Variants in ELAPOR2 observed in about 807,000 individuals in gnomAD.
The protein encoded by ELAPOR2 is endosome-lysosome associated apoptosis and autophagy regulator family member 2.
ELAPOR2 carries 89 observed loss-of-function variants against 120.7 expected under a neutral mutation model. The ratio of observed to expected loss-of-function variants is 0.74; its 90% CI spans 0.62 to 0.88. The LOEUF (loss-of-function observed/expected upper bound fraction) is 0.88, where lower values mean the gene tolerates loss of function less well. Ranked by LOEUF, ELAPOR2 falls within the 40% of genes least tolerant of loss-of-function variation. The pLI, the probability that ELAPOR2 is intolerant of heterozygous loss-of-function variation, is 0.00. For synonymous variants in ELAPOR2, 444 were observed against 444.9 expected (o/e 1.00, Z 0.03); for missense variants, 1,134 against 1,251.6 (o/e 0.91, Z 1.42).
intron 10 of ELAPOR2, among the ~76,000 whole-genome samples, chr7:86,921,936 GACC>G (rs1228652736): frequency 6.6e-6 from 1 of 151,954 alleles, no homozygotes; most frequent in Non-Finnish European, 1.5e-5. Context: ...ATGTTCTAAG[GACC>G]ACATTTTATA....
chr7:86,958,989 T>C (rs1584396232), intron 2 of ELAPOR2, among the ~76,000 whole-genome samples: 4 of 152,334 alleles, frequency 2.6e-5, no homozygotes, highest in East Asian at 1.9e-4. Context: ...TTTATTTGTG[T>C]CTGCTTTCTT....
chr7:86,949,199 G>T (rs1437422856), intron 2 of ELAPOR2, among the ~76,000 whole-genome samples: 1 of 152,204 alleles, frequency 6.6e-6, no homozygotes, highest in Non-Finnish European at 1.5e-5. Flanking sequence ...TGCAAAGAAT[G>T]TGGCATGCTG....
intron 2 of ELAPOR2, among the ~76,000 whole-genome samples, chr7:86,951,402 G>T (rs898311377): frequency 6.6e-6 from 1 of 152,182 alleles, no homozygotes; most frequent in Non-Finnish European, 1.5e-5. Flanking sequence ...ATATAAAAAA[G>T]AGAAGAATTG....
At chr7:87,003,614 C>T (rs1325044909) in intron 1 of ELAPOR2, among the ~76,000 whole-genome samples, 1 of 152,164 alleles carries the variant, frequency 6.6e-6, no homozygotes, top group Admixed American at 6.5e-5. Flanking sequence ...GCCTGTGGAA[C>T]TGTGAGTCAA....
chr7:86,954,672 A>G (rs1791398882), intron 2 of ELAPOR2, among the ~76,000 whole-genome samples: 1 of 152,146 alleles, frequency 6.6e-6, no homozygotes, highest in Non-Finnish European at 1.5e-5. Context: ...CTCAAAATAA[A>G]TCAAATTTAT....
intron 2 of ELAPOR2, among the ~76,000 whole-genome samples, chr7:86,954,374 T>C (rs1212849738): frequency 1.3e-5 from 2 of 152,204 alleles, no homozygotes; most frequent in African/African-American, 4.8e-5. Context: ...ATAGTTTTGC[T>C]TTTTCTTCCT....
At chr7:86,980,278 T>C (rs908656913) in intron 1 of ELAPOR2, among the ~76,000 whole-genome samples, 1 of 152,220 alleles carries the variant, frequency 6.6e-6, no homozygotes, top group Admixed American at 6.5e-5. Context: ...CATCAAACAG[T>C]ATGTGTGAGG....
chr7:86,996,163 C>T (rs1793116452), intron 1 of ELAPOR2, among the ~76,000 whole-genome samples: 4 of 152,056 alleles, frequency 2.6e-5, no homozygotes, highest in Admixed American at 1.3e-4. Context: ...TAACAGATTA[C>T]CAAGCTATGA....
At chr7:87,002,506 TTTTC>T (rs1793349820) in intron 1 of ELAPOR2, among the ~76,000 whole-genome samples, 2 of 152,116 alleles carry the variant, frequency 1.3e-5, no homozygotes. Flanking sequence ...ACCACTCAAC[TTTTC>T]TTAGAGTAGG....
chr7:86,929,351 A>G (rs1055236396), intron 8 of ELAPOR2, among the ~76,000 whole-genome samples: 1 of 151,960 alleles, frequency 6.6e-6, no homozygotes, highest in Admixed American at 6.6e-5. Flanking sequence ...TGTGTTTTTA[A>G]AAGGTCTACC....
rs1266644424 is a variant in ELAPOR2, at chr7:87,054,611, G to A, written c.189+4714C>T. On this transcript the variant is annotated intron_variant, in intron 1 of 21. Coordinates refer to ENST00000450689, the MANE Select transcript of ELAPOR2 (RefSeq NM_001142749.3). The stretch of plus-strand genomic sequence containing the variant: ...CCTACAGAAAGGATGTTTCTCAGCT[G>A]TGCCCATCAAGTTCTGAAACAAAAA... 4.6e-5 allele frequency among the ~76,000 whole-genome samples: 7 copies of A among 152,190 alleles called. No homozygotes were observed. The South Asian group carries it at 1.5e-3, about 32-fold the overall frequency.
chr7:86,897,629 C>G lies in ELAPOR2; in HGVS notation c.2562G>C (p.Lys854Asn). Residue 854 changes from lysine (K) to asparagine (N), a missense_variant, in exon 19 of 22, where the codon AAG becomes AAC. This residue lies in a region of ELAPOR2 where 831 missense variants were observed against 867.6 expected (regional missense o/e 0.96). Coordinates refer to ENST00000450689, the MANE Select transcript of ELAPOR2 (RefSeq NM_001142749.3). ...SGAGVISVPS[K>N]CPAGTCDGCT... ...ACCCATCACAGGTACCTGCTGGGCA[C>G]TTGCTAAAATCATAAACAAAACCAA... The G allele has an allele frequency of 6.2e-7, 1 of 1,612,980 alleles. No homozygotes were observed. Among genetic ancestry groups the G allele is most frequent in the Non-Finnish European group, 8.5e-7 (1 of 1,179,308 alleles).
chr7:86,968,664 T>C (rs527408784), intron 1 of ELAPOR2, among the ~76,000 whole-genome samples: 1 of 152,296 alleles, frequency 6.6e-6, no homozygotes, highest in South Asian at 2.1e-4. Flanking sequence ...GCACATCCAA[T>C]AATCTTTTCT....
chr7:86,945,073 T>A, intron 3 of ELAPOR2, 27 bp from the exon 4 acceptor site: 1 of 1,542,858 alleles, frequency 6.5e-7, no homozygotes, highest in Non-Finnish European at 8.7e-7. Context: ...AAGAAGCACT[T>A]TACATTAATG....
chr7:87,040,529 T>G (rs1208192082), intron 1 of ELAPOR2, among the ~76,000 whole-genome samples: 1 of 152,070 alleles, frequency 6.6e-6, no homozygotes, highest in Non-Finnish European at 1.5e-5. Context: ...TGCAGGGTAT[T>G]CCAACAGACC....
chr7:86,890,703 T>C (rs1218877225), intron 21 of ELAPOR2, among the ~76,000 whole-genome samples: 1 of 152,042 alleles, frequency 6.6e-6, no homozygotes, highest in Non-Finnish European at 1.5e-5. Context: ...AGATCTCCGA[T>C]CTTAATAATC....
intron 18 of ELAPOR2, 127 bp from the exon 19 acceptor site, chr7:86,897,759 G>T: frequency 9.7e-7 from 1 of 1,030,952 alleles, no homozygotes; most frequent in Non-Finnish European, 1.4e-6. Context: ...AGAAACACAA[G>T]TGGAAAAAAG....
chr7:87,029,432 A>G (rs977393402), intron 1 of ELAPOR2, among the ~76,000 whole-genome samples: 11 of 152,280 alleles, frequency 7.2e-5, no homozygotes, highest in Middle Eastern at 3.4e-3. Flanking sequence ...TGTGATTCTA[A>G]CTTGCAGCCA....
chr7:87,050,954 A>AC (rs1795081954), intron 1 of ELAPOR2, among the ~76,000 whole-genome samples: 1 of 152,214 alleles, frequency 6.6e-6, no homozygotes, highest in African/African-American at 2.4e-5. Flanking sequence ...AGAAAACTAT[A>AC]CAAGGAGTAG....
Sources: allele counts gnomAD v4.1 joint callset (sites outside exome capture counted in the v4.1 genomes callset), GRCh38; gene constraint gnomAD v4.1.1; regional missense constraint gnomAD v4.1.1; transcripts MANE v1.5; gene names NCBI Gene and HGNC (gene_info 2026-07-23, HGNC 2026-07-21).